Variants in SKI observed in about 807,000 individuals in gnomAD.
The protein encoded by SKI is ski oncogene.
A neutral mutation model predicts 59.3 loss-of-function variants in SKI; 23 were observed. The ratio of observed to expected loss-of-function variants is 0.39; its 90% CI spans 0.28 to 0.55. The LOEUF is 0.55. Among genes scored for constraint, SKI ranks in the 20% least tolerant of loss-of-function variants. The pLI, the probability that SKI is intolerant of heterozygous loss-of-function variation, is 0.67. For missense variants in SKI, 1,017 were observed against 1,038.9 expected, an observed-to-expected ratio of 0.98 and a Z score of 0.29; for synonymous variants, 673 against 488.6, an observed-to-expected ratio of 1.38 and a Z score of -4.98.
chr1:2,239,587 C>T (rs563059156), intron 1 of SKI, among the ~76,000 whole-genome samples: 2 of 152,254 alleles, frequency 1.3e-5, no homozygotes, highest in African/African-American at 4.8e-5. Context: ...GGATGGCCCG[C>T]GTGCCGGGGA....
chr1:2,258,747 G>A (rs995704090), intron 1 of SKI, among the ~76,000 whole-genome samples: 2 of 152,042 alleles, frequency 1.3e-5, no homozygotes, highest in Non-Finnish European at 2.9e-5. Context: ...TAGAGACGGG[G>A]TTTGTTGGTC....
intron 1 of SKI, among the ~76,000 whole-genome samples, chr1:2,284,341 A>AGC (rs908245572): frequency 5.3e-5 from 8 of 152,170 alleles, no homozygotes; most frequent in Non-Finnish European, 1.2e-4. Flanking sequence ...GCCTGAGAAG[A>AGC]GCCTCTTGGA....
chr1:2,288,552 T>C (rs1223436310), intron 1 of SKI, among the ~76,000 whole-genome samples: 2 of 152,260 alleles, frequency 1.3e-5, no homozygotes, highest in East Asian at 1.9e-4. Flanking sequence ...CAGTTGTCTT[T>C]GCTCGTGCGT....
chr1:2,260,158 G>A (rs909469933), intron 1 of SKI, among the ~76,000 whole-genome samples: 12 of 152,196 alleles, frequency 7.9e-5, no homozygotes, highest in South Asian at 2.1e-4. Context: ...GCTGCTCCAC[G>A]TCCTGGCCAG....
intron 1 of SKI, among the ~76,000 whole-genome samples, chr1:2,279,716 T>G (rs1019684671): frequency 6.6e-5 from 10 of 152,134 alleles, no homozygotes; most frequent in Non-Finnish European, 1.5e-4. Flanking sequence ...CTTTCTTCCT[T>G]ATTTTATTTT....
chr1:2,234,358 C>T (rs948961951), intron 1 of SKI, among the ~76,000 whole-genome samples: 1 of 152,128 alleles, frequency 6.6e-6, no homozygotes, highest in Admixed American at 6.5e-5. Flanking sequence ...TGGGCTGGGT[C>T]CCTCGCCTTC....
chr1:2,272,704 C>T (rs560409057), intron 1 of SKI, among the ~76,000 whole-genome samples: 14 of 152,300 alleles, frequency 9.2e-5, no homozygotes, highest in African/African-American at 3.4e-4. Flanking sequence ...TTTATCAAAA[C>T]CAAAACTCCC....
intron 1 of SKI, among the ~76,000 whole-genome samples, chr1:2,237,598 G>A (rs1449748889): frequency 6.6e-6 from 1 of 152,232 alleles, no homozygotes; most frequent in African/African-American, 2.4e-5. Context: ...GAGGCTGACT[G>A]GGGGCACAGT....
Position 2,303,423 on chromosome 1 carries a change from T to C in SKI, c.1211+23T>C. The C allele has an allele frequency of 1.3e-6, 2 of 1,591,106 alleles. No homozygotes were observed. The highest frequency in any genetic ancestry group is 1.7e-6 in the Non-Finnish European group (2 of 1,161,678). ...CAGGTGAGTGGGCGCCATTCACAGG[T>C]GTTTCTGATCACGGGGGAGGCTCCA... On this transcript the variant is annotated intron_variant, in intron 3 of 6. Transcript: ENST00000378536. This position sits in a 1 kb window ranked among gnomAD's most constrained non-coding sequence, Gnocchi z 5.6.
chr1:2,242,217 TC>T (rs1638895627), intron 1 of SKI, among the ~76,000 whole-genome samples: 1 of 152,160 alleles, frequency 6.6e-6, no homozygotes, highest in South Asian at 2.1e-4. Context: ...TGTGAACACT[TC>T]CCGTGCATGT....
intron 5 of SKI, 99 bp from the exon 6 acceptor site, chr1:2,305,921 G>C: frequency 1.0e-6 from 1 of 954,584 alleles, no homozygotes; most frequent in Non-Finnish European, 1.7e-6. Flanking sequence ...CACATTGTCA[G>C]ATAGATGACC....
chr1:2,298,039 C>T (rs12562937), intron 1 of SKI, among the ~76,000 whole-genome samples: 23,535 of 152,184 alleles, frequency 0.15, 2,343 homozygotes, highest in East Asian at 0.36. Flanking sequence ...GGTCATGGGC[C>T]GAGCATCCAT....
intron 1 of SKI, among the ~76,000 whole-genome samples, chr1:2,277,023 C>T (rs1303475886): frequency 6.6e-6 from 1 of 152,150 alleles, no homozygotes; most frequent in Admixed American, 6.5e-5. Flanking sequence ...GGTGCTGGAG[C>T]GGTTGCTTCC....
intron 1 of SKI, among the ~76,000 whole-genome samples, chr1:2,290,100 G>A (rs1286703354): frequency 1.3e-5 from 2 of 152,152 alleles, no homozygotes; most frequent in African/African-American, 2.4e-5. Flanking sequence ...TTCCTAGAGT[G>A]GGGAGGGAGT....
rs1363817196 is a variant in SKI at position 2,268,436 on chromosome 1, T to A, written c.970-34542T>A. 6.6e-6 allele frequency among the ~76,000 whole-genome samples: 1 copy of A among 152,244 alleles called. No individual in the cohort carries two copies. Among genetic ancestry groups the A allele is most frequent in the African/African-American group, 2.4e-5 (1 of 41,548 alleles). ...GTGGCGCTGATGGAGGGCCTCTTGT[T>A]AAGGGGGCACGGTAGTGAGTCAGGT... On this transcript the variant is annotated intron_variant, in intron 1 of 6. Coordinates refer to ENST00000378536, the MANE Select transcript of SKI (RefSeq NM_003036.4). This position sits in a 1 kb window ranked among gnomAD's most constrained non-coding sequence, Gnocchi z 5.0.
In SKI at chr1:2,228,330, G is replaced by A. The variant is rs1638547584; in HGVS notation, c.-437G>A. Among the ~76,000 whole-genome samples the A allele has an allele frequency of 7.0e-6, 1 of 142,634 alleles. No individual in the cohort carries two copies. The highest frequency in any genetic ancestry group is 1.6e-5 in the Non-Finnish European group (1 of 64,444). The allele number at this position is 142,634 out of a possible 152,430, so 93.6% of individuals were successfully genotyped here. A position where few individuals can be genotyped will look rare whatever the true frequency, so the allele number is the denominator to read the frequency against. ...GCGCCCGCGCCCCCGCTCCTCCCGG[G>A]CCCCTCGGCCTCGGCCGCCGCGGCG... On this transcript the variant is annotated 5_prime_UTR_variant, in exon 1 of 7. Coordinates refer to ENST00000378536, the MANE Select transcript of SKI (RefSeq NM_003036.4).
At chr1:2,285,574 T>TTC (rs1640020740) in intron 1 of SKI, among the ~76,000 whole-genome samples, 1 of 150,218 alleles carries the variant, frequency 6.7e-6, no homozygotes, top group Admixed American at 6.7e-5. Flanking sequence ...TTGTTTTTGT[T>TTC]TTTTTTTTGA....
intron 1 of SKI, among the ~76,000 whole-genome samples, chr1:2,282,863 T>A (rs535921143): frequency 2.0e-5 from 3 of 152,318 alleles, no homozygotes; most frequent in African/African-American, 7.2e-5. Flanking sequence ...CTCCGACCTG[T>A]CACCCCGGTG....
chr1:2,306,808 A>C lies in SKI; in HGVS notation c.*43A>C, dbSNP rs1557855207. On this transcript the variant is annotated 3_prime_UTR_variant, in exon 7 of 7. Transcript: ENST00000378536. ...GCAGCGCCGCCGACAACGCGGGTGC[A>C]GGGGGGCGCGGCTGGGCGGTGCAGC... 2 of 1,392,570 alleles carry C rather than the reference A, an allele frequency of 1.4e-6. No individual in the cohort carries two copies. Among genetic ancestry groups the C allele is most frequent in the Non-Finnish European group, 1.9e-6 (2 of 1,071,820 alleles). 86.3% of individuals were successfully genotyped at this position (1,392,570 alleles called of 1,614,324 possible). A position where few individuals can be genotyped will look rare whatever the true frequency, so the allele number is the denominator to read the frequency against.
Sources: allele counts gnomAD v4.1 joint callset (sites outside exome capture counted in the v4.1 genomes callset), GRCh38; gene constraint gnomAD v4.1.1; non-coding constraint Gnocchi (gnomAD v3.1); transcripts MANE v1.5; gene names NCBI Gene and HGNC (gene_info 2026-07-23, HGNC 2026-07-21).